Variants in SMC6 observed in about 807,000 individuals in gnomAD.
The protein encoded by SMC6 is structural maintenance of chromosomes 6, also known as structural maintenance of chromosomes protein 6.
In SMC6, 79 loss-of-function variants were observed where a neutral mutation model predicts 142.2. That is an observed-to-expected ratio of 0.56 (90% CI 0.46 to 0.67). The LOEUF is 0.67. SMC6 is among the 30% of genes least tolerant of loss of function. SMC6 has a pLI of 0.00. For missense variants in SMC6, 1,072 were observed against 1,284.0 expected, an observed-to-expected ratio of 0.83 and a Z score of 2.52; for synonymous variants, 411 against 412.4, an observed-to-expected ratio of 1.00 and a Z score of 0.04.
At chr2:17,746,821 A>C (rs1054129) in intron 2 of SMC6, among the ~76,000 whole-genome samples, 5,477 of 152,280 alleles carry the variant, frequency 0.036, 284 homozygotes, top group African/African-American at 0.11. Context: ...TAGGTATCTA[A>C]TTTAATTGTT....
intron 17 of SMC6, among the ~76,000 whole-genome samples, chr2:17,707,676 A>G (rs1030945549): frequency 2.0e-5 from 3 of 152,104 alleles, no homozygotes; most frequent in African/African-American, 7.2e-5. Flanking sequence ...AAACTATTCT[A>G]AGTGCTTTTT....
intron 25 of SMC6, among the ~76,000 whole-genome samples, chr2:17,673,672 C>A (rs145304798): frequency 2.6e-5 from 4 of 151,032 alleles, no homozygotes; most frequent in African/African-American, 7.3e-5. Context: ...CGGGTTTAAG[C>A]GATTCTCCTG....
At chr2:17,746,236 T>C (rs1670740525) in intron 2 of SMC6, 1 of 260,138 alleles carries the variant, frequency 3.8e-6, no homozygotes, top group Admixed American at 5.1e-5. Context: ...GTTGGACTTC[T>C]AATCCACAGA....
rs769125885 is a variant in SMC6, at chr2:17,716,258, T to C, written c.1353A>G (p.Glu451=). ...TCAGTGCATGCTTCACATCTAATTC[T>C]TCTCTCCTAAAAAACAAAAGCAGAA... ...DKEEHGKIKR[E]ELDVKHALSY... The change falls in exon 15 of 28, where the codon GAA becomes GAG. Residue 451 remains glutamate (E), a synonymous_variant. Transcript: ENST00000448223. The C allele has an allele frequency of 6.2e-7, 1 of 1,602,940 alleles. No individual in the cohort carries two copies. The highest frequency in any genetic ancestry group is 1.1e-5 in the South Asian group (1 of 88,804).
At chr2:17,711,819 A>G (rs1054437993) in intron 16 of SMC6, among the ~76,000 whole-genome samples, 3 of 152,122 alleles carry the variant, frequency 2.0e-5, no homozygotes, top group Non-Finnish European at 2.9e-5. Context: ...GCGTTTCACC[A>G]CATTACCCAG....
chr2:17,752,066 C>T (rs969980099), intron 2 of SMC6, among the ~76,000 whole-genome samples: 2 of 152,102 alleles, frequency 1.3e-5, no homozygotes, highest in African/African-American at 2.4e-5. Context: ...AGACAGATGT[C>T]GATATATAAC....
At chr2:17,707,121 GT>G in intron 18 of SMC6, 97 bp downstream of exon 18, 1 of 941,206 alleles carries the variant, frequency 1.1e-6, no homozygotes, top group Non-Finnish European at 1.5e-6. Context: ...GATTACTCAC[GT>G]CCTCACTGAA....
At chr2:17,692,403 A>G (rs1299804445) in intron 23 of SMC6, among the ~76,000 whole-genome samples, 3 of 152,348 alleles carry the variant, frequency 2.0e-5, no homozygotes, top group South Asian at 2.1e-4. Flanking sequence ...ATAATGCCGC[A>G]TATCTACAAC....
At chr2:17,706,068 T>C (rs1350852913) in intron 18 of SMC6, among the ~76,000 whole-genome samples, 2 of 152,202 alleles carry the variant, frequency 1.3e-5, no homozygotes, top group Non-Finnish European at 2.9e-5. Context: ...CTTTGTTTCC[T>C]GATGTGTCTT....
In SMC6 at chr2:17,700,190, A is replaced by C; in HGVS notation, c.2394+18T>G. 6.5e-7 allele frequency: 1 copy of C among 1,544,492 alleles called. No individual in the cohort carries two copies. Among genetic ancestry groups the C allele is most frequent in the Non-Finnish European group, 8.8e-7 (1 of 1,139,194 alleles). On this transcript the variant is annotated intron_variant, in intron 21 of 27. Transcript: ENST00000448223. ...AAAACATAAAATACATACGTAACAC[A>C]GTACCAAAAATATATACCTTAAGTG...
chr2:17,692,969 T>G (rs770466984), intron 23 of SMC6, among the ~76,000 whole-genome samples: 8 of 152,228 alleles, frequency 5.3e-5, no homozygotes, highest in African/African-American at 9.6e-5. Context: ...TCATCATCAC[T>G]GGCCATCAGA....
At chr2:17,747,106 T>C (rs752586405) in intron 2 of SMC6, among the ~76,000 whole-genome samples, 5 of 152,062 alleles carry the variant, frequency 3.3e-5, no homozygotes. Flanking sequence ...GCCATGATAA[T>C]GGTGTCAGCG....
Position 17,721,004 on chromosome 2 carries a change from C to T in SMC6, c.881G>A (p.Arg294Lys), listed in dbSNP as rs1477073309. Residue 294 changes from arginine to lysine, a missense_variant, in exon 11 of 28, where the codon AGA becomes AAA. Around this residue, in one of 3 missense-constraint regions of SMC6, gnomAD observed 994 missense variants for 1,153.2 expected, o/e 0.86. Coordinates refer to ENST00000448223, the MANE Select transcript of SMC6 (RefSeq NM_001142286.2). ...NEIEKQLNAI[R>K]DNIKIGEDRA... Reference sequence around the variant, plus strand: ...ATCTTCTCCAATTTTGATATTATCTCTGATGGCATTCAATTGTTTTTCAAT... The same window carrying T: ...ATCTTCTCCAATTTTGATATTATCTTTGATGGCATTCAATTGTTTTTCAAT... The T allele has an allele frequency of 6.2e-7, 1 of 1,613,704 alleles. No individual in the cohort carries two copies. Among genetic ancestry groups the T allele is most frequent in the Non-Finnish European group, 8.5e-7 (1 of 1,179,886 alleles).
rs368476481 is a variant in SMC6, at chr2:17,745,881, T to C, written c.66A>G (p.Glu22=). Residue 22 remains glutamate (E), a synonymous_variant, in exon 3 of 28, where the codon GAA becomes GAG. Transcript: ENST00000448223. The part of the protein sequence containing the change: ...PKNAKRPRQE[E]LEDFDKDGDE... ...CACCATCTTTATCAAAATCCTCCAA[T>C]TCTTCTTGTCTTGGCCTTTTGGCAT... The C allele has an allele frequency of 1.9e-6, 3 of 1,612,848 alleles. No homozygotes were observed. Among genetic ancestry groups the C allele is most frequent in the African/African-American group, 2.7e-5 (2 of 74,912 alleles).
intron 25 of SMC6, among the ~76,000 whole-genome samples, chr2:17,673,694 C>T (rs1008346621): frequency 6.6e-6 from 1 of 151,308 alleles, no homozygotes; most frequent in Non-Finnish European, 1.5e-5. Context: ...CTCAGCCTCC[C>T]GAGTAGCTGG....
chr2:17,682,454 C>A (rs947390640), intron 24 of SMC6, among the ~76,000 whole-genome samples: 1 of 152,134 alleles, frequency 6.6e-6, no homozygotes, highest in African/African-American at 2.4e-5. Flanking sequence ...AGCTGGGAAT[C>A]TGGGGAGGCA....
chr2:17,721,119 A>C, intron 10 of SMC6, 23 bp downstream of exon 10: 1 of 1,611,082 alleles, frequency 6.2e-7, no homozygotes, highest in Non-Finnish European at 8.5e-7. Context: ...AGATACGTGA[A>C]CAAGTAATTA....
At chr2:17,708,200 C>T (rs1241271862) in intron 17 of SMC6, among the ~76,000 whole-genome samples, 1 of 151,954 alleles carries the variant, frequency 6.6e-6, no homozygotes, top group Non-Finnish European at 1.5e-5. Context: ...CACATAAAAA[C>T]ACCTACACAG....
At chr2:17,691,744 G>A (rs867200231) in intron 23 of SMC6, among the ~76,000 whole-genome samples, 3 of 152,064 alleles carry the variant, frequency 2.0e-5, no homozygotes, top group Admixed American at 6.6e-5. Flanking sequence ...GAAATAAAGG[G>A]TATTCAATTA....
Sources: gnomAD v4.1 joint callset for allele counts (sites outside exome capture counted in the v4.1 genomes callset) on GRCh38, gnomAD v4.1.1 for gene constraint, gnomAD v4.1.1 regional missense constraint, MANE v1.5 for transcripts, NCBI Gene and HGNC (gene_info 2026-07-23, HGNC 2026-07-21) for gene names.